ASXL1: variants seen among roughly 807,000 people sequenced by gnomAD.
ASXL1 encodes the protein ASXL transcriptional regulator 1, also known as polycomb group protein ASXL1.
Under a neutral mutation model 89.1 loss-of-function variants are expected in ASXL1, and 65 were observed. The ratio of observed to expected loss-of-function variants is 0.73; its 90% CI spans 0.60 to 0.90. The LOEUF is 0.90. Ranked by LOEUF, ASXL1 falls within the 40% of genes least tolerant of loss-of-function variation. ASXL1 has a pLI of 0.00. For synonymous variants in ASXL1, 739 were observed against 746.9 expected (o/e 0.99, Z 0.17); for missense variants, 1,786 against 1,942.9 (o/e 0.92, Z 1.52).
rs370929899 is a variant in ASXL1, at chr20:32,435,125, C to A, written c.2413C>A (p.Pro805Thr). The stretch of plus-strand genomic sequence containing the variant: ...GGAAAGTGATGATGAGGAGCAAGGA[C>A]CCACCGTTCCTGCAGACAATGGTCC... ...SWESDDEEQG[P>T]TVPADNGPIP... The change falls in exon 13 of 13, where the codon CCC becomes ACC. Residue 805 changes from proline to threonine, a missense_variant. Around this residue, in one of 3 missense-constraint regions of ASXL1, gnomAD observed 1,418 missense variants for 1,427.8 expected, o/e 0.99. Coordinates refer to ENST00000375687, the MANE Select transcript of ASXL1 (RefSeq NM_015338.6). 1.2e-6 allele frequency: 2 copies of A among 1,613,778 alleles called. No homozygotes were observed. Among genetic ancestry groups the A allele is most frequent in the African/African-American group, 2.7e-5 (2 of 74,894 alleles).
intron 4 of ASXL1, among the ~76,000 whole-genome samples, chr20:32,415,842 A>C (rs1446402189): frequency 2.0e-5 from 3 of 152,186 alleles, no homozygotes; most frequent in Non-Finnish European, 4.4e-5. Flanking sequence ...AACCCTCAGG[A>C]AGATGCAAAG....
At chr20:32,409,494 A>G (rs2049009306) in intron 4 of ASXL1, among the ~76,000 whole-genome samples, 1 of 152,238 alleles carries the variant, frequency 6.6e-6, no homozygotes. Flanking sequence ...ATAGTTATTA[A>G]CAACAAGTAC....
chr20:32,415,008 GTTTGT>G (rs71338436), intron 4 of ASXL1, among the ~76,000 whole-genome samples: 10 of 124,828 alleles, frequency 8.0e-5, no homozygotes, highest in African/African-American at 2.8e-4. Flanking sequence ...TTGTTTGTTT[GTTTGT>G]TTTGTTTTGT....
chr20:32,383,307 C>CT (rs543531381), intron 4 of ASXL1, among the ~76,000 whole-genome samples: 2,048 of 145,116 alleles, frequency 0.014, 15 homozygotes, highest in Non-Finnish European at 0.022. Context: ...TGTTGGTTTT[C>CT]TTTTTTTTTT....
intron 4 of ASXL1, among the ~76,000 whole-genome samples, chr20:32,401,230 C>T (rs992707213): frequency 2.6e-5 from 4 of 152,112 alleles, no homozygotes; most frequent in Non-Finnish European, 4.4e-5. Flanking sequence ...AGTTTTATCA[C>T]GTGTATAGAT....
intron 4 of ASXL1, among the ~76,000 whole-genome samples, chr20:32,398,710 C>G (rs1386884330): frequency 6.7e-6 from 1 of 148,964 alleles, no homozygotes; most frequent in Non-Finnish European, 1.5e-5. Flanking sequence ...GCCGGGTTCA[C>G]GCCATTCTCC....
intron 1 of ASXL1, chr20:32,359,862 G>T (rs2048081013): frequency 1.7e-5 from 12 of 717,206 alleles, no homozygotes. Context: ...GTAATTATCT[G>T]CTGATACCAG....
In ASXL1 at chr20:32,434,697, G is replaced by T. The variant is rs2145360136; in HGVS notation, c.1985G>T (p.Gly662Val). 1 of 1,606,206 alleles carries T rather than the reference G, an allele frequency of 6.2e-7. No homozygotes were observed. Among genetic ancestry groups the T allele is most frequent in the South Asian group, 1.1e-5 (1 of 90,538 alleles). ...GGATDEGGGR[G>V]SSSGDGGEAC... The stretch of plus-strand genomic sequence containing the variant: ...GCCACCGATGAGGGAGGTGGCAGAG[G>T]CAGCAGCAGTGGTGATGGTGGTGAG... Residue 662 changes from glycine (G) to valine (V), a missense_variant, in exon 13 of 13, where the codon GGC (glycine) becomes GTC (valine). Coordinates refer to ENST00000375687, the MANE Select transcript of ASXL1 (RefSeq NM_015338.6).
rs1443259642 is a variant in ASXL1 at position 32,438,767 on chromosome 20, C to G, written c.*1429C>G. The G allele has an allele frequency of 3.0e-5, 7 of 233,508 alleles. No homozygotes were observed. The highest frequency in any genetic ancestry group is 1.5e-4 in the African/African-American group (7 of 45,344). The allele number at this position is 233,508 out of a possible 1,614,324, so 14.5% of individuals were successfully genotyped here. On this transcript the variant is annotated 3_prime_UTR_variant, in exon 13 of 13. Transcript: ENST00000375687. ...ACAGCAATACCTGGGACCATGCTCT[C>G]CTGGGACTGTGAGGCTCCTTTTGAC...
rs1174655014 is a variant in ASXL1, at chr20:32,439,034, T to A, written c.*1696T>A. ...TGAAAGGTTTTTTTCTCATTTAATC[T>A]GATGTGGCATTTTCGTCATCTGAAG... On this transcript the variant is annotated 3_prime_UTR_variant, in exon 13 of 13. Transcript: ENST00000375687. 3.4e-5 allele frequency: 8 copies of A among 233,578 alleles called. No individual in the cohort carries two copies. The Admixed American group carries it at 4.5e-4, about 13-fold the overall frequency. The allele number at this position is 233,578 out of a possible 1,614,324, so 14.5% of individuals were successfully genotyped here.
rs2012018586 is a variant in ASXL1, at chr20:32,437,820, T to C, written c.*482T>C. ...CACAGGGTTAAAGTAACTCCTGGCATTGCCCACCAGGGGGCTGGTGCACCT... is the reference window on the plus strand; with the variant it reads ...CACAGGGTTAAAGTAACTCCTGGCACTGCCCACCAGGGGGCTGGTGCACCT... On this transcript the variant is annotated 3_prime_UTR_variant, in exon 13 of 13. Transcript: ENST00000375687. 1 of 250,574 alleles carries C rather than the reference T, an allele frequency of 4.0e-6. No individual in the cohort carries two copies. The highest frequency in any genetic ancestry group is 7.8e-6 in the Non-Finnish European group (1 of 128,420). 15.5% of individuals were successfully genotyped at this position (250,574 alleles called of 1,614,324 possible).
intron 4 of ASXL1, among the ~76,000 whole-genome samples, chr20:32,374,257 G>A (rs2048342406): frequency 6.6e-6 from 1 of 152,082 alleles, no homozygotes; most frequent in African/African-American, 2.4e-5. Context: ...GCTTCCCAAA[G>A]TGCTGGGATT....
chr20:32,365,339 T>A (rs2048187274), intron 1 of ASXL1, among the ~76,000 whole-genome samples: 1 of 152,206 alleles, frequency 6.6e-6, no homozygotes, highest in South Asian at 2.1e-4. Context: ...TTTATTTTAG[T>A]ACCTTCTCCA....
chr20:32,372,251 A>G, intron 4 of ASXL1: 1 of 1,309,838 alleles, frequency 7.6e-7, no homozygotes. Context: ...TAAGCTTGGG[A>G]GTGGTCTGTT....
In ASXL1 at chr20:32,358,825, C is replaced by G. The variant is rs2122755047; in HGVS notation, c.50C>G (p.Ala17Gly). ...KKKERTWAEA[A>G]RLVLENYSDA... is the part of the protein sequence containing the mutation. ...AAGGAGCGCACGTGGGCCGAGGCCG[C>G]GCGCCTGGTGAGGCGGACAGCCGAG... The change falls in exon 1 of 13, where the codon GCG becomes GGG. Residue 17 changes from alanine (A) to glycine (G), a missense_variant. Ala to Gly is a moderately conservative substitution (Grantham distance 60, BLOSUM62 0). Coordinates refer to ENST00000375687, the MANE Select transcript of ASXL1 (RefSeq NM_015338.6). 6.6e-7 allele frequency: 1 copy of G among 1,506,664 alleles called. No individual in the cohort carries two copies. 93.3% of individuals were successfully genotyped at this position (1,506,664 alleles called of 1,614,324 possible).
chr20:32,406,035 T>C (rs2048948827), intron 4 of ASXL1, among the ~76,000 whole-genome samples: 1 of 152,200 alleles, frequency 6.6e-6, no homozygotes, highest in Non-Finnish European at 1.5e-5. Flanking sequence ...AAATGTTTGC[T>C]GCTGTTGGAG....
At chr20:32,390,435 T>C (rs184921789) in intron 4 of ASXL1, among the ~76,000 whole-genome samples, 177 of 152,322 alleles carry the variant, frequency 1.2e-3, no homozygotes, top group Non-Finnish European at 2.1e-3. Context: ...TTGACAGATC[T>C]ATATACAGAT....
At chr20:32,369,660 A>T (rs189506854) in intron 4 of ASXL1, among the ~76,000 whole-genome samples, 3 of 146,876 alleles carry the variant, frequency 2.0e-5, no homozygotes, top group Non-Finnish European at 4.5e-5. Context: ...TTTCTTGTCT[A>T]TATCTTTGTA....
At chr20:32,373,570 T>C (rs568607724) in intron 4 of ASXL1, among the ~76,000 whole-genome samples, 2 of 152,028 alleles carry the variant, frequency 1.3e-5, no homozygotes, top group South Asian at 4.2e-4. Context: ...AAGTAATCCA[T>C]AAAATTCTAC....
Sources: allele counts gnomAD v4.1 joint callset (sites outside exome capture counted in the v4.1 genomes callset), GRCh38; gene constraint gnomAD v4.1.1; regional missense constraint gnomAD v4.1.1; transcripts MANE v1.5; gene names NCBI Gene and HGNC (gene_info 2026-07-23, HGNC 2026-07-21).